ADAMTSL1: variants seen among roughly 807,000 people sequenced by gnomAD.
The protein encoded by ADAMTSL1 is ADAMTS like 1.
A neutral mutation model predicts 201.8 loss-of-function variants in ADAMTSL1; 126 were observed. That is an observed-to-expected ratio of 0.62 (90% CI 0.54 to 0.72). ADAMTSL1 has a LOEUF of 0.72. Among genes scored for constraint, ADAMTSL1 ranks in the 30% least tolerant of loss-of-function variants. The pLI, the probability that ADAMTSL1 is intolerant of heterozygous loss-of-function variation, is 0.00. For missense variants in ADAMTSL1, 2,679 were observed against 2,277.8 expected (o/e 1.18, Z -3.59); for synonymous variants, 1,121 against 903.4 (o/e 1.24, Z -4.32).
At chr9:18,607,652 G>A (rs1395033404) in intron 4 of ADAMTSL1, among the ~76,000 whole-genome samples, 5 of 151,812 alleles carry the variant, frequency 3.3e-5, no homozygotes, top group Admixed American at 2.0e-4. Context: ...ATGTATACAC[G>A]TGCCATGTTG....
At chr9:17,985,904 G>T (rs1818910091) in intron 1 of ADAMTSL1, among the ~76,000 whole-genome samples, 1 of 152,084 alleles carries the variant, frequency 6.6e-6, no homozygotes, top group African/African-American at 2.4e-5. Context: ...AAATGCGTTG[G>T]CTATGACAAG....
intron 4 of ADAMTSL1, among the ~76,000 whole-genome samples, chr9:18,621,927 C>T (rs1015638762): frequency 3.3e-5 from 5 of 152,152 alleles, no homozygotes; most frequent in African/African-American, 4.8e-5. Context: ...GGCCCTAAAA[C>T]ATCAATAATT....
intron 23 of ADAMTSL1, among the ~76,000 whole-genome samples, chr9:18,881,188 T>G (rs1000386560): frequency 9.2e-5 from 14 of 152,362 alleles, no homozygotes; most frequent in African/African-American, 3.4e-4. Flanking sequence ...TCAATTTTTT[T>G]GTGTTCACTG....
chr9:18,776,825 G>A lies in ADAMTSL1; in HGVS notation c.2596G>A (p.Ala866Thr), dbSNP rs368562978. The A allele has an allele frequency of 8.9e-6, 14 of 1,581,858 alleles. No individual in the cohort carries two copies. The East Asian group carries it at 2.1e-4, about 24-fold the overall frequency. Residue 866 changes from alanine to threonine, a missense_variant, in exon 19 of 29, where the codon GCC (alanine) becomes ACC (threonine). Coordinates refer to ENST00000380548, the MANE Select transcript of ADAMTSL1 (RefSeq NM_001040272.6). ...GAAGCACAGCCCGCACATCGCGGCC[G>A]CCAGGAAGGTCTACATACAGACTCG... ...STKHSPHIAA[A>T]RKVYIQTRRQ... is the part of the protein sequence containing the mutation.
chr9:17,932,119 G>A (rs990395431), intron 1 of ADAMTSL1, among the ~76,000 whole-genome samples: 20 of 152,180 alleles, frequency 1.3e-4, no homozygotes, highest in Non-Finnish European at 2.5e-4. Flanking sequence ...CCCAAGTAGA[G>A]GATCTCTGTT....
intron 5 of ADAMTSL1, among the ~76,000 whole-genome samples, chr9:18,627,298 G>C (rs1826452654): frequency 1.3e-5 from 2 of 152,060 alleles, no homozygotes; most frequent in South Asian, 4.1e-4. Flanking sequence ...TTAAATTTTA[G>C]CCATTCTTAT....
At chr9:18,872,845 G>C (rs1399903329) in intron 23 of ADAMTSL1, among the ~76,000 whole-genome samples, 20 of 152,128 alleles carry the variant, frequency 1.3e-4, no homozygotes, top group Admixed American at 1.3e-3. Flanking sequence ...GTTTTCGTCT[G>C]GGTGGATACC....
chr9:17,932,247 CA>C (rs1173634720), intron 1 of ADAMTSL1, among the ~76,000 whole-genome samples: 1 of 152,168 alleles, frequency 6.6e-6, no homozygotes, highest in Non-Finnish European at 1.5e-5. Context: ...GTTAATGAGT[CA>C]AAAGCCACAT....
chr9:18,519,324 A>C (rs1036825535), intron 2 of ADAMTSL1, among the ~76,000 whole-genome samples: 3 of 152,218 alleles, frequency 2.0e-5, no homozygotes, highest in Non-Finnish European at 4.4e-5. Flanking sequence ...AGTTAAACAT[A>C]GGGTAAGAAC....
chr9:18,849,064 A>T (rs1018416675), intron 23 of ADAMTSL1, among the ~76,000 whole-genome samples: 2 of 152,234 alleles, frequency 1.3e-5, no homozygotes, highest in East Asian at 1.9e-4. Context: ...CCTCAGCTCT[A>T]TGTCACCAAT....
intron 1 of ADAMTSL1, among the ~76,000 whole-genome samples, chr9:18,046,225 A>T (rs1031089397): frequency 6.6e-6 from 1 of 152,182 alleles, no homozygotes; most frequent in African/African-American, 2.4e-5. Flanking sequence ...GCAGAGACTC[A>T]AAACAAGAGC....
intron 3 of ADAMTSL1, among the ~76,000 whole-genome samples, chr9:18,567,520 C>A (rs1821995831): frequency 6.6e-6 from 1 of 152,034 alleles, no homozygotes; most frequent in Admixed American, 6.6e-5. Context: ...TTGGGGAATG[C>A]TGCAGGGAGA....
Position 18,889,700 on chromosome 9 carries a change from G to T in ADAMTSL1, c.4595G>T (p.Arg1532Leu). The change falls in exon 25 of 29, where the codon CGC (arginine) becomes CTC (leucine). Residue 1532 changes from arginine to leucine, a missense_variant. Coordinates refer to ENST00000380548, the MANE Select transcript of ADAMTSL1 (RefSeq NM_001040272.6). ...VNPAHCAGKV[R>L]PAVQPIACNR... Reference sequence around the variant, plus strand: ...CCTGCCCACTGCGCAGGGAAGGTTCGCCCTGCGGTGCAGCCCATCGCGTGC... The same window carrying T: ...CCTGCCCACTGCGCAGGGAAGGTTCTCCCTGCGGTGCAGCCCATCGCGTGC... 6.3e-7 allele frequency: 1 copy of T among 1,576,698 alleles called. No individual in the cohort carries two copies.
At chr9:18,001,659 G>A (rs1179104784) in intron 1 of ADAMTSL1, among the ~76,000 whole-genome samples, 1 of 151,992 alleles carries the variant, frequency 6.6e-6, no homozygotes, top group Non-Finnish European at 1.5e-5. Context: ...ATTCCAGGAA[G>A]AGAGAATAGA....
intron 1 of ADAMTSL1, among the ~76,000 whole-genome samples, chr9:18,031,264 A>G (rs1042342740): frequency 6.6e-6 from 1 of 152,124 alleles, no homozygotes; most frequent in African/African-American, 2.4e-5. Flanking sequence ...TTCTCATCTG[A>G]GGAGGCTGGT....
At chr9:18,616,004 A>G (rs1311083508) in intron 4 of ADAMTSL1, among the ~76,000 whole-genome samples, 2 of 151,998 alleles carry the variant, frequency 1.3e-5, no homozygotes, top group Non-Finnish European at 2.9e-5. Flanking sequence ...CTTTACCTGG[A>G]TGATTTGTTT....
At chr9:18,530,221 T>A (rs890191672) in intron 2 of ADAMTSL1, among the ~76,000 whole-genome samples, 1 of 152,120 alleles carries the variant, frequency 6.6e-6, no homozygotes, top group African/African-American at 2.4e-5. Flanking sequence ...GTAAGGAAAC[T>A]AAGACCCTAA....
At chr9:18,510,858 T>G (rs1489781693) in intron 2 of ADAMTSL1, among the ~76,000 whole-genome samples, 4 of 152,258 alleles carry the variant, frequency 2.6e-5, no homozygotes, top group African/African-American at 7.2e-5. Context: ...AAGCTGCTCC[T>G]CTCTCCAGTT....
chr9:18,157,204 C>T (rs546481138), intron 1 of ADAMTSL1, among the ~76,000 whole-genome samples: 19 of 152,138 alleles, frequency 1.2e-4, no homozygotes, highest in Non-Finnish European at 2.1e-4. Context: ...AGTGCATGCC[C>T]GCTGATAAAA....
Sources: gnomAD v4.1 joint callset for allele counts (sites outside exome capture counted in the v4.1 genomes callset) on GRCh38, gnomAD v4.1.1 for gene constraint, MANE v1.5 for transcripts, NCBI Gene and HGNC (gene_info 2026-07-23, HGNC 2026-07-21) for gene names.